Variants in MALRD1 observed in about 807,000 individuals in gnomAD.
MALRD1 encodes MAM and LDL-receptor class A domain-containing protein 1.
A neutral mutation model predicts 242.1 loss-of-function variants in MALRD1; 247 were observed. That is an observed-to-expected ratio of 1.02 (90% CI 0.92 to 1.13). The LOEUF (loss-of-function observed/expected upper bound fraction) is 1.13, where lower values mean the gene tolerates loss of function less well. Among genes scored for constraint, MALRD1 ranks in the 50% most tolerant of loss-of-function variants. The pLI is 0.00. For synonymous variants in MALRD1, 995 were observed against 866.6 expected (o/e 1.15, Z -2.60); for missense variants, 2,989 against 2,533.1 (o/e 1.18, Z -3.86).
chr10:19,727,454 T>C (rs1835085004), intron 38 of MALRD1, among the ~76,000 whole-genome samples: 1 of 152,202 alleles, frequency 6.6e-6, no homozygotes, highest in Non-Finnish European at 1.5e-5. Context: ...ATTATCTTAG[T>C]TCTGCATTGA....
intron 14 of MALRD1, among the ~76,000 whole-genome samples, chr10:19,186,605 A>G (rs1315240432): frequency 1.3e-5 from 2 of 152,204 alleles, no homozygotes; most frequent in Non-Finnish European, 2.9e-5. Context: ...GCCTTTTTCT[A>G]TAATTATTTA....
intron 28 of MALRD1, 71 bp from the exon 29 acceptor site, chr10:19,450,236 G>C: frequency 7.7e-7 from 1 of 1,294,804 alleles, no homozygotes; most frequent in South Asian, 1.6e-5. Context: ...AAATAACTGG[G>C]TTTTGCCCCA....
chr10:19,318,974 TACACACACACAC>T (rs5783665), intron 21 of MALRD1, among the ~76,000 whole-genome samples: 10 of 148,938 alleles, frequency 6.7e-5, no homozygotes, highest in African/African-American at 1.2e-4. Flanking sequence ...TACACAGACA[TACACACACACAC>T]ACACACACAC....
intron 28 of MALRD1, among the ~76,000 whole-genome samples, chr10:19,425,715 C>T (rs1833879669): frequency 6.6e-6 from 1 of 152,092 alleles, no homozygotes; most frequent in Admixed American, 6.5e-5. Flanking sequence ...AAAAGAATTC[C>T]AGCCCGCGTT....
chr10:19,063,601 A>G (rs1834885815), intron 1 of MALRD1, among the ~76,000 whole-genome samples: 1 of 151,118 alleles, frequency 6.6e-6, no homozygotes, highest in Admixed American at 6.7e-5. Context: ...CCATGTCCCT[A>G]CAAAGGACAT....
chr10:19,601,021 G>C (rs1838315531), intron 34 of MALRD1, among the ~76,000 whole-genome samples: 1 of 151,858 alleles, frequency 6.6e-6, no homozygotes, highest in South Asian at 2.1e-4. Flanking sequence ...AGCAGCACAG[G>C]CATGCTCCAC....
chr10:19,499,216 A>G (rs2131248892), intron 31 of MALRD1, among the ~76,000 whole-genome samples: 1 of 152,318 alleles, frequency 6.6e-6, no homozygotes, highest in Non-Finnish European at 1.5e-5. Context: ...AGTAGGAGTA[A>G]GCTTGTAATC....
intron 29 of MALRD1, among the ~76,000 whole-genome samples, chr10:19,476,070 T>C (rs1248228027): frequency 6.6e-6 from 1 of 152,156 alleles, no homozygotes; most frequent in African/African-American, 2.4e-5. Context: ...GCACATACCT[T>C]AAATAAATCA....
At chr10:19,551,498 T>G (rs1432270503) in intron 32 of MALRD1, among the ~76,000 whole-genome samples, 1 of 152,174 alleles carries the variant, frequency 6.6e-6, no homozygotes, top group East Asian at 1.9e-4. Flanking sequence ...TTAAGAAGCT[T>G]TTGCACTGAG....
intron 38 of MALRD1, among the ~76,000 whole-genome samples, chr10:19,708,340 C>CTTTTTCT (rs1315642872): frequency 1.3e-5 from 1 of 76,090 alleles, no homozygotes; most frequent in African/African-American, 4.4e-5. Flanking sequence ...TTTTCTTTTT[C>CTTTTTCT]TTTTTTTTTT....
intron 13 of MALRD1, among the ~76,000 whole-genome samples, chr10:19,166,755 A>G (rs1318272413): frequency 6.6e-6 from 1 of 152,176 alleles, no homozygotes; most frequent in Admixed American, 6.5e-5. Flanking sequence ...TGTCTTGTCA[A>G]ATGGGTGTTC....
At chr10:19,456,319 T>G (rs1835646809) in intron 29 of MALRD1, among the ~76,000 whole-genome samples, 1 of 152,182 alleles carries the variant, frequency 6.6e-6, no homozygotes, top group African/African-American at 2.4e-5. Flanking sequence ...AAAAAGACAT[T>G]CTTTTTTATT....
In MALRD1 at chr10:19,277,666, A is replaced by G. The variant is rs117924142; in HGVS notation, c.3080-2381A>G. Among the ~76,000 whole-genome samples the G allele has an allele frequency of 9.0e-3, 1,365 of 152,346 alleles. 7 individuals carry two copies. Among genetic ancestry groups the G allele is most frequent in the Admixed American group, 0.018 (274 of 15,310 alleles). ...TCACATTTTAGAAGACCACTTGTCT[A>G]CAGAAATAGGAAATTTTCTTCTTTA... On this transcript the variant is annotated intron_variant, in intron 19 of 39. Coordinates refer to ENST00000454679, the MANE Select transcript of MALRD1 (RefSeq NM_001142308.3).
Position 19,595,353 on chromosome 10 carries a change from G to A in MALRD1, c.5840G>A (p.Cys1947Tyr). The change falls in exon 34 of 40, where the codon TGT becomes TAT. Residue 1947 changes from cysteine to tyrosine, a missense_variant. Physicochemically the swap from Cys to Tyr is radical, Grantham distance 194. Coordinates refer to ENST00000454679, the MANE Select transcript of MALRD1 (RefSeq NM_001142308.3). ...CCTCTCAGCCCCACCCCTCCACTCT[G>A]TAGTAACATGGAGTTCCCGTGCTCT... ...DCPLSPTPPL[C>Y]SNMEFPCSTD... 2 of 1,550,620 alleles carry A rather than the reference G, an allele frequency of 1.3e-6. No homozygotes were observed. The highest frequency in any genetic ancestry group is 1.7e-6 in the Non-Finnish European group (2 of 1,146,964).
chr10:19,643,258 C>T (rs1840478983), intron 36 of MALRD1, among the ~76,000 whole-genome samples: 1 of 151,858 alleles, frequency 6.6e-6, no homozygotes, highest in Non-Finnish European at 1.5e-5. Context: ...ATGGTGAAAC[C>T]CCGTCTCTAA....
chr10:19,400,542 AAC>A (rs1846791541), intron 28 of MALRD1, among the ~76,000 whole-genome samples: 1 of 152,180 alleles, frequency 6.6e-6, no homozygotes, highest in African/African-American at 2.4e-5. Flanking sequence ...GTAGGTATTA[AAC>A]ACATATTTTT....
At chr10:19,230,589 A>G (rs1838007154) in intron 18 of MALRD1, among the ~76,000 whole-genome samples, 1 of 152,206 alleles carries the variant, frequency 6.6e-6, no homozygotes, top group Non-Finnish European at 1.5e-5. Context: ...TCTGTCTCCA[A>G]CATTGGGGAT....
intron 18 of MALRD1, among the ~76,000 whole-genome samples, chr10:19,250,621 T>A (rs1458676914): frequency 6.6e-6 from 1 of 151,996 alleles, no homozygotes; most frequent in Admixed American, 6.6e-5. Flanking sequence ...TTTTGGCCCT[T>A]TTTTTGTGCA....
intron 4 of MALRD1, among the ~76,000 whole-genome samples, chr10:19,102,243 C>G (rs1208265400): frequency 6.6e-6 from 1 of 151,028 alleles, no homozygotes; most frequent in Non-Finnish European, 1.5e-5. Flanking sequence ...AGATTCTAGC[C>G]ATACTTTTAA....
Sources: allele counts gnomAD v4.1 joint callset (sites outside exome capture counted in the v4.1 genomes callset), GRCh38; gene constraint gnomAD v4.1.1; transcripts MANE v1.5; gene names NCBI Gene and HGNC (gene_info 2026-07-23, HGNC 2026-07-21).